MCCC2: variants seen among roughly 807,000 people sequenced by gnomAD.
MCCC2 encodes methylcrotonyl-CoA carboxylase subunit 2.
In MCCC2, 52 loss-of-function variants were observed where a neutral mutation model predicts 77.2. That is an observed-to-expected ratio of 0.67 (90% CI 0.54 to 0.85). MCCC2 has a LOEUF of 0.85. Ranked by LOEUF, MCCC2 falls within the 40% of genes least tolerant of loss-of-function variation. The probability of loss-of-function intolerance (pLI) is 0.00; values close to 1 mark genes in which losing one functional copy is unlikely to be tolerated. For synonymous variants in MCCC2, 253 were observed against 248.4 expected (o/e 1.02, Z -0.18); for missense variants, 682 against 703.2 (o/e 0.97, Z 0.34).
chr5:71,655,378 G>T (rs1237370148), intron 16 of MCCC2, among the ~76,000 whole-genome samples: 1 of 152,152 alleles, frequency 6.6e-6, no homozygotes, highest in Non-Finnish European at 1.5e-5. Context: ...ATCCTAATAG[G>T]TTACATATGT....
intron 6 of MCCC2, among the ~76,000 whole-genome samples, chr5:71,618,597 G>C (rs1012843656): frequency 6.7e-6 from 1 of 149,068 alleles, no homozygotes; most frequent in Non-Finnish European, 1.5e-5. Context: ...TTGCTGCTCA[G>C]GCTGGTCTTG....
intron 13 of MCCC2, among the ~76,000 whole-genome samples, chr5:71,646,640 A>G (rs899300665): frequency 6.6e-6 from 1 of 152,136 alleles, no homozygotes; most frequent in African/African-American, 2.4e-5. Flanking sequence ...TGCTGATACT[A>G]CAGACATGAG....
At chr5:71,656,314 A>T (rs951855112) in intron 16 of MCCC2, among the ~76,000 whole-genome samples, 4 of 152,210 alleles carry the variant, frequency 2.6e-5, no homozygotes, top group Non-Finnish European at 5.9e-5. Flanking sequence ...GTTGGGGAAT[A>T]TACATTTTCC....
chr5:71,593,581 G>A (rs1745065889), intron 2 of MCCC2, among the ~76,000 whole-genome samples: 2 of 150,044 alleles, frequency 1.3e-5, no homozygotes, highest in Admixed American at 6.6e-5. Context: ...TTAAGAGATG[G>A]GTTCTTGCTC....
intron 6 of MCCC2, among the ~76,000 whole-genome samples, chr5:71,621,342 A>T (rs1244055704): frequency 3.3e-5 from 5 of 152,110 alleles, no homozygotes; most frequent in Non-Finnish European, 2.9e-5. Flanking sequence ...TCTAAAAAAA[A>T]TAAAAATAAA....
intron 6 of MCCC2, among the ~76,000 whole-genome samples, chr5:71,611,345 C>T (rs777345908): frequency 9.9e-5 from 15 of 151,532 alleles, no homozygotes; most frequent in African/African-American, 1.2e-4. Flanking sequence ...GAGGCTACAG[C>T]GAGCTGTGGT....
rs1303395410 is a variant in MCCC2 at position 71,656,733 on chromosome 5, C to A, written c.1575-10C>A. Reference sequence around the variant, plus strand: ...GTAAATTCATAACTCTTTTTTTGTTCTTTTGTCAGGGTATGGGATGATGGG... The same window carrying A: ...GTAAATTCATAACTCTTTTTTTGTTATTTTGTCAGGGTATGGGATGATGGG... On this transcript the variant is annotated splice_polypyrimidine_tract_variant and intron_variant, in intron 16 of 16. Transcript: ENST00000340941. 4 of 1,606,678 alleles carry A rather than the reference C, an allele frequency of 2.5e-6. No individual in the cohort carries two copies. The South Asian group carries it at 3.3e-5, about 13-fold the overall frequency.
At chr5:71,616,527 G>A (rs1053739732) in intron 6 of MCCC2, among the ~76,000 whole-genome samples, 9 of 152,194 alleles carry the variant, frequency 5.9e-5, no homozygotes, top group African/African-American at 2.2e-4. Context: ...GAGGTATTGA[G>A]TGACTGTGTC....
At chr5:71,608,912 C>T (rs2112348737) in intron 6 of MCCC2, among the ~76,000 whole-genome samples, 1 of 152,298 alleles carries the variant, frequency 6.6e-6, no homozygotes, top group South Asian at 2.1e-4. Flanking sequence ...TCTCTTCTGG[C>T]TTGTAGGTTT....
At chr5:71,639,209 TC>T (rs969344253) in intron 10 of MCCC2, among the ~76,000 whole-genome samples, 2 of 152,298 alleles carry the variant, frequency 1.3e-5, no homozygotes, top group Admixed American at 6.5e-5. Context: ...CACTAACCTC[TC>T]CCCAGCTATG....
chr5:71,632,999 T>C (rs1354864984), intron 8 of MCCC2, among the ~76,000 whole-genome samples: 3 of 151,170 alleles, frequency 2.0e-5, no homozygotes, highest in Non-Finnish European at 4.4e-5. Flanking sequence ...TATTTTCTTG[T>C]TTGTCATCAT....
intron 2 of MCCC2, among the ~76,000 whole-genome samples, chr5:71,593,399 A>G (rs1240890249): frequency 6.6e-6 from 1 of 151,152 alleles, no homozygotes; most frequent in Non-Finnish European, 1.5e-5. Flanking sequence ...TGAGCTTTTG[A>G]CTCTTAAGAC....
chr5:71,635,029 A>G lies in MCCC2; in HGVS notation c.890A>G (p.Gln297Arg), dbSNP rs758506101. 3.7e-6 allele frequency: 6 copies of G among 1,614,046 alleles called. No individual in the cohort carries two copies. The East Asian group carries it at 8.9e-5, about 24-fold the overall frequency. ...AAGGTTGTGAGGAATCTAAATTATC[A>G]GAAGAAATTGGATGTGAGTACGATA... ...TRKVVRNLNY[Q>R]KKLDVTIEPS... Residue 297 changes from glutamine to arginine, a missense_variant, in exon 9 of 17, where the codon CAG becomes CGG. By Grantham distance (43) the Gln-to-Arg change is conservative (BLOSUM62 1). Transcript: ENST00000340941.
intron 11 of MCCC2, among the ~76,000 whole-genome samples, chr5:71,642,066 G>A (rs1474006854): frequency 6.6e-6 from 1 of 152,230 alleles, no homozygotes; most frequent in African/African-American, 2.4e-5. Flanking sequence ...TGGATGGGCT[G>A]TCTTTGTCAT....
chr5:71,600,982 T>C (rs935511635), intron 4 of MCCC2, among the ~76,000 whole-genome samples: 2 of 152,212 alleles, frequency 1.3e-5, no homozygotes, highest in African/African-American at 4.8e-5. Context: ...GTGGGAACTC[T>C]GGGTAGAAAG....
intron 1 of MCCC2, among the ~76,000 whole-genome samples, chr5:71,592,354 C>T (rs564641146): frequency 7.2e-5 from 11 of 151,886 alleles, no homozygotes; most frequent in Admixed American, 5.2e-4. Flanking sequence ...GCACTCCAGC[C>T]GGGGCAACAA....
At chr5:71,593,032 A>G (rs1288238635) in intron 2 of MCCC2, 40 bp downstream of exon 2, 1 of 1,480,692 alleles carries the variant, frequency 6.8e-7, no homozygotes, top group Admixed American at 1.7e-5. Flanking sequence ...GCCTTTACTT[A>G]AGATGTCCTA....
At chr5:71,641,636 G>C (rs1747125536) in intron 11 of MCCC2, among the ~76,000 whole-genome samples, 1 of 152,158 alleles carries the variant, frequency 6.6e-6, no homozygotes, top group Non-Finnish European at 1.5e-5. Flanking sequence ...AATCTAAACT[G>C]TTTAGTTTAT....
Position 71,652,764 on chromosome 5 carries a change from A to G in MCCC2, c.1574+10A>G, listed in dbSNP as rs1237696563. 1 of 1,612,090 alleles carries G rather than the reference A, an allele frequency of 6.2e-7. No individual in the cohort carries two copies. The highest frequency in any genetic ancestry group is 8.5e-7 in the Non-Finnish European group (1 of 1,178,248). On this transcript the variant is annotated intron_variant, in intron 16 of 16. Transcript: ENST00000340941. ...ACTATTCCAGCGCAAGGTGGGGGCCAGAACATCACTAACTCTCTGATGGGT... is the reference window on the plus strand; with the variant it reads ...ACTATTCCAGCGCAAGGTGGGGGCCGGAACATCACTAACTCTCTGATGGGT...
Sources: gnomAD v4.1 joint callset for allele counts (sites outside exome capture counted in the v4.1 genomes callset) on GRCh38, gnomAD v4.1.1 for gene constraint, MANE v1.5 for transcripts, NCBI Gene and HGNC (gene_info 2026-07-23, HGNC 2026-07-21) for gene names.